The following SH3RF3 variants were observed in gnomAD, a reference collection of about 807,000 sequenced individuals.
SH3RF3 encodes SH3 domain containing ring finger 3, also known as E3 ubiquitin-protein ligase SH3RF3.
In SH3RF3, 29 loss-of-function variants were observed where a neutral mutation model predicts 66.3. The ratio of observed to expected loss-of-function variants is 0.44; its 90% CI spans 0.33 to 0.60. The LOEUF (loss-of-function observed/expected upper bound fraction) is 0.60, where lower values mean the gene tolerates loss of function less well. Ranked by LOEUF, SH3RF3 falls within the 20% of genes least tolerant of loss-of-function variation. The probability of loss-of-function intolerance (pLI) is 0.04; values close to 1 mark genes in which losing one functional copy is unlikely to be tolerated. For synonymous variants in SH3RF3, 583 were observed against 532.0 expected (o/e 1.10, Z -1.32); for missense variants, 1,194 against 1,190.9 (o/e 1.00, Z -0.04).
At chr2:109,218,284 T>C (rs919960073) in intron 1 of SH3RF3, among the ~76,000 whole-genome samples, 5 of 152,204 alleles carry the variant, frequency 3.3e-5, no homozygotes, top group African/African-American at 1.2e-4. Flanking sequence ...CTTTCTTGGC[T>C]CTCTTGCCCC....
intron 1 of SH3RF3, among the ~76,000 whole-genome samples, chr2:109,193,503 A>C (rs1320860140): frequency 6.6e-6 from 1 of 152,200 alleles, no homozygotes; most frequent in African/African-American, 2.4e-5. Flanking sequence ...ATGGAATCAT[A>C]CAGTTTGCGG....
chr2:109,462,701 A>G (rs905654618), intron 8 of SH3RF3, among the ~76,000 whole-genome samples: 6 of 152,216 alleles, frequency 3.9e-5, no homozygotes, highest in East Asian at 3.8e-4. Context: ...CAGGAAACCA[A>G]TGTGAGGATT....
chr2:109,394,067 G>A (rs903146531), intron 3 of SH3RF3, among the ~76,000 whole-genome samples: 2 of 152,036 alleles, frequency 1.3e-5, no homozygotes, highest in African/African-American at 2.4e-5. Context: ...CCCCACCCTC[G>A]GACGCAGCCA....
chr2:109,371,673 T>A lies in SH3RF3; in HGVS notation c.937T>A (p.Tyr313Asn), dbSNP rs1214440480. The change falls in exon 3 of 10, where the codon TAC becomes AAC. Residue 313 changes from tyrosine to asparagine, a missense_variant. Coordinates refer to ENST00000309415, the MANE Select transcript of SH3RF3 (RefSeq NM_001099289.3). ...CAAGATCGGGATCTTCCCGCTCCTG[T>A]ACGTGGAGGTAAGACCGTGCCGCCC... ...GDKIGIFPLL[Y>N]VELNDSAKQL... 3 of 1,613,706 alleles carry A rather than the reference T, an allele frequency of 1.9e-6. No individual in the cohort carries two copies. Among genetic ancestry groups the A allele is most frequent in the Non-Finnish European group, 2.5e-6 (3 of 1,179,782 alleles).
At chr2:109,260,932 G>T (rs1433952329) in intron 1 of SH3RF3, among the ~76,000 whole-genome samples, 1 of 152,180 alleles carries the variant, frequency 6.6e-6, no homozygotes, top group African/African-American at 2.4e-5. Flanking sequence ...AGGCCACTCT[G>T]TTTACAAGCA....
At chr2:109,444,638 C>T (rs1677658305) in intron 7 of SH3RF3, among the ~76,000 whole-genome samples, 1 of 152,172 alleles carries the variant, frequency 6.6e-6, no homozygotes, top group Non-Finnish European at 1.5e-5. Flanking sequence ...ACTAGCTCAG[C>T]ACCCTCTCTG....
rs1330502037 is a variant in SH3RF3, at chr2:109,384,009, C to T, written c.945+12328C>T. On this transcript the variant is annotated intron_variant, in intron 3 of 9. Coordinates refer to ENST00000309415, the MANE Select transcript of SH3RF3 (RefSeq NM_001099289.3). ...AGGGCTGGCCCCTCACAAATGAAGG[C>T]AGCCCATCCTTTCCATCTCTGCTTC... Among the ~76,000 whole-genome samples the T allele has an allele frequency of 3.3e-5, 5 of 152,314 alleles. No homozygotes were observed. In the East Asian group the frequency reaches 5.8e-4, roughly 18 times the overall value.
intron 1 of SH3RF3, among the ~76,000 whole-genome samples, chr2:109,148,212 A>G (rs1430220401): frequency 6.6e-6 from 1 of 152,194 alleles, no homozygotes; most frequent in Non-Finnish European, 1.5e-5. Flanking sequence ...TCTAGGACTC[A>G]GGCAAATTGG....
intron 3 of SH3RF3, among the ~76,000 whole-genome samples, chr2:109,389,413 C>G (rs1675919047): frequency 6.6e-6 from 1 of 152,260 alleles, no homozygotes; most frequent in African/African-American, 2.4e-5. Context: ...CATTTGACAT[C>G]TTGACCGAGG....
chr2:109,361,640 AT>A (rs1574597558), intron 2 of SH3RF3, among the ~76,000 whole-genome samples: 1 of 151,908 alleles, frequency 6.6e-6, no homozygotes, highest in Non-Finnish European at 1.5e-5. Flanking sequence ...TGCCCGGCTA[AT>A]TTTTTTGTAT....
intron 1 of SH3RF3, among the ~76,000 whole-genome samples, chr2:109,326,104 TAAGGACACACAC>T (rs1682148939): frequency 6.6e-6 from 1 of 152,246 alleles, no homozygotes; most frequent in African/African-American, 2.4e-5. Flanking sequence ...GTAAAACATT[TAAGGACACACAC>T]GTATGTGGGT....
chr2:109,283,158 A>G (rs150422156), intron 1 of SH3RF3, among the ~76,000 whole-genome samples: 233 of 152,294 alleles, frequency 1.5e-3, no homozygotes, highest in Non-Finnish European at 2.5e-3. Flanking sequence ...CAGCCCAGAA[A>G]TGCCTGTGAT....
At chr2:109,221,126 G>C (rs537149952) in intron 1 of SH3RF3, among the ~76,000 whole-genome samples, 1 of 152,336 alleles carries the variant, frequency 6.6e-6, no homozygotes, top group East Asian at 1.9e-4. Flanking sequence ...AAGTCATTAT[G>C]CTGAGTGAAA....
intron 4 of SH3RF3, among the ~76,000 whole-genome samples, chr2:109,407,007 T>C (rs1278765643): frequency 1.3e-5 from 2 of 152,194 alleles, no homozygotes; most frequent in Non-Finnish European, 2.9e-5. Context: ...GACGACACCT[T>C]TCCAAAGTAA....
At chr2:109,459,351 C>T (rs1573269341) in intron 8 of SH3RF3, among the ~76,000 whole-genome samples, 3 of 152,144 alleles carry the variant, frequency 2.0e-5, no homozygotes, top group African/African-American at 7.2e-5. Context: ...ACTTTGTCTA[C>T]TATCCAATCT....
chr2:109,256,055 G>T (rs1250553117), intron 1 of SH3RF3, among the ~76,000 whole-genome samples: 1 of 152,138 alleles, frequency 6.6e-6, no homozygotes, highest in East Asian at 1.9e-4. Context: ...CCTCACAAAT[G>T]TAAGCCTGTA....
At chr2:109,440,798 G>A (rs994536781) in intron 7 of SH3RF3, among the ~76,000 whole-genome samples, 15 of 152,176 alleles carry the variant, frequency 9.9e-5, no homozygotes, top group Admixed American at 2.0e-4. Flanking sequence ...TGCAGAGCAC[G>A]CCCTGAGATC....
At chr2:109,404,539 A>C (rs1676404298) in intron 4 of SH3RF3, among the ~76,000 whole-genome samples, 1 of 152,086 alleles carries the variant, frequency 6.6e-6, no homozygotes, top group Non-Finnish European at 1.5e-5. Flanking sequence ...GGCCACAAGC[A>C]CAGTCAAGGT....
At chr2:109,134,089 C>G (rs1236182760) in intron 1 of SH3RF3, among the ~76,000 whole-genome samples, 1 of 152,194 alleles carries the variant, frequency 6.6e-6, no homozygotes, top group Non-Finnish European at 1.5e-5. Flanking sequence ...TGAACATTTA[C>G]TGAGTGCCTG....
Sources: gnomAD v4.1 joint callset for allele counts (sites outside exome capture counted in the v4.1 genomes callset) on GRCh38, gnomAD v4.1.1 for gene constraint, MANE v1.5 for transcripts, NCBI Gene and HGNC (gene_info 2026-07-23, HGNC 2026-07-21) for gene names.